ZNF804B: variants seen among roughly 807,000 people sequenced by gnomAD.
The protein encoded by ZNF804B is zinc finger protein 804B.
A neutral mutation model predicts 101.4 loss-of-function variants in ZNF804B; 80 were observed. The ratio of observed to expected loss-of-function variants is 0.79; its 90% CI spans 0.66 to 0.95. The LOEUF (loss-of-function observed/expected upper bound fraction) is 0.95, where lower values mean the gene tolerates loss of function less well. Ranked by LOEUF, ZNF804B falls within the 40% of genes least tolerant of loss-of-function variation. ZNF804B has a pLI of 0.00. For synonymous variants in ZNF804B, 622 were observed against 558.8 expected, an observed-to-expected ratio of 1.11 and a Z score of -1.59; for missense variants, 1,673 against 1,561.9, an observed-to-expected ratio of 1.07 and a Z score of -1.20.
chr7:89,021,310 T>C (rs1288954266), intron 1 of ZNF804B, among the ~76,000 whole-genome samples: 3 of 152,140 alleles, frequency 2.0e-5, no homozygotes, highest in African/African-American at 4.8e-5. Context: ...GGAGGTGAAC[T>C]CACAGGACTA....
At chr7:88,816,332 C>T (rs1583954721) in intron 1 of ZNF804B, among the ~76,000 whole-genome samples, 2 of 152,236 alleles carry the variant, frequency 1.3e-5, no homozygotes, top group South Asian at 2.1e-4. Context: ...GCAGGGACTT[C>T]GTGTCTAAAA....
intron 1 of ZNF804B, among the ~76,000 whole-genome samples, chr7:89,065,756 A>T (rs10236237): frequency 0.36 from 55,026 of 151,764 alleles, 11,057 homozygotes; most frequent in East Asian, 0.54. Flanking sequence ...CTGCATTCCC[A>T]GGGTTGTAAC....
intron 1 of ZNF804B, among the ~76,000 whole-genome samples, chr7:89,093,282 A>G (rs1223670457): frequency 6.6e-6 from 1 of 152,210 alleles, no homozygotes; most frequent in Non-Finnish European, 1.5e-5. Context: ...AGTGCTGTGT[A>G]TACTACCTTG....
At chr7:89,277,855 G>GTATA (rs1790013950) in intron 2 of ZNF804B, among the ~76,000 whole-genome samples, 2 of 151,944 alleles carry the variant, frequency 1.3e-5, no homozygotes, top group African/African-American at 4.8e-5. Context: ...AATCCTTTGG[G>GTATA]TATATACCCA....
intron 1 of ZNF804B, among the ~76,000 whole-genome samples, chr7:88,781,396 A>G (rs1020842079): frequency 6.6e-6 from 1 of 152,126 alleles, no homozygotes; most frequent in African/African-American, 2.4e-5. Flanking sequence ...GTTCTAGAGT[A>G]TCTTCAGCCT....
chr7:88,815,180 A>G (rs7788889), intron 1 of ZNF804B, among the ~76,000 whole-genome samples: 2 of 147,178 alleles, frequency 1.4e-5, no homozygotes, highest in African/African-American at 2.5e-5. Flanking sequence ...ATAATAAAAT[A>G]TATAAAATAT....
intron 1 of ZNF804B, among the ~76,000 whole-genome samples, chr7:89,163,974 G>T (rs767665784): frequency 5.2e-4 from 78 of 149,048 alleles, no homozygotes; most frequent in Non-Finnish European, 9.0e-4. Flanking sequence ...ATATTTTTAC[G>T]CAAGGGAATG....
intron 1 of ZNF804B, among the ~76,000 whole-genome samples, chr7:89,147,627 G>T (rs1449050858): frequency 5.3e-5 from 8 of 151,962 alleles, no homozygotes; most frequent in Non-Finnish European, 1.0e-4. Flanking sequence ...TACAGCAGGA[G>T]GTGAGCCATG....
intron 1 of ZNF804B, among the ~76,000 whole-genome samples, chr7:88,895,057 A>G (rs1792266641): frequency 6.6e-6 from 1 of 152,198 alleles, no homozygotes; most frequent in Non-Finnish European, 1.5e-5. Flanking sequence ...GTATAAAACA[A>G]TCTCACTGAT....
chr7:89,290,092 A>G (rs1363559232), intron 2 of ZNF804B, among the ~76,000 whole-genome samples: 2 of 151,952 alleles, frequency 1.3e-5, no homozygotes, highest in African/African-American at 4.8e-5. Context: ...GGATGATGAC[A>G]TTTCTAGACA....
chr7:89,209,412 T>G (rs1788769401), intron 1 of ZNF804B, among the ~76,000 whole-genome samples: 1 of 152,230 alleles, frequency 6.6e-6, no homozygotes, highest in African/African-American at 2.4e-5. Flanking sequence ...CAAGTCTGGC[T>G]AATGGATAGT....
chr7:89,178,535 A>G (rs9641045), intron 1 of ZNF804B, among the ~76,000 whole-genome samples: 31,206 of 152,042 alleles, frequency 0.21, 3,416 homozygotes, highest in Middle Eastern at 0.39. Context: ...AAACATGCAA[A>G]GTGAAAACTA....
Position 89,334,671 on chromosome 7 carries a change from G to T in ZNF804B, c.1689G>T (p.Lys563Asn), listed in dbSNP as rs201508532. The T allele has an allele frequency of 5.6e-6, 9 of 1,613,686 alleles. No individual in the cohort carries two copies. The African/African-American group carries it at 1.1e-4, about 19-fold the overall frequency. Residue 563 changes from lysine to asparagine, a missense_variant, in exon 4 of 4, where the codon AAG (lysine) becomes AAT (asparagine). By Grantham distance (94) the Lys-to-Asn change is moderately conservative. Coordinates refer to ENST00000333190, the MANE Select transcript of ZNF804B (RefSeq NM_181646.5). ...ACTACAGTGATTCTGAGCCAAATAA[G>T]AGTGAATATACTTTCAGTGCAAATG... ...NLDYSDSEPN[K>N]SEYTFSANDL...
intron 2 of ZNF804B, among the ~76,000 whole-genome samples, chr7:89,318,885 C>T (rs1790770839): frequency 6.6e-6 from 1 of 151,754 alleles, no homozygotes. Flanking sequence ...AGCTGACAGC[C>T]CCGAACAGAG....
At position 89,271,367 on chromosome 7, in the gene ZNF804B, G is replaced by A. The variant is rs993869612; in HGVS notation, c.249+53072G>A. 6.6e-4 allele frequency among the ~76,000 whole-genome samples: 100 copies of A among 152,116 alleles called. 1 individual carries two copies. Among genetic ancestry groups the A allele is most frequent in the African/African-American group, 2.1e-3 (87 of 41,504 alleles). ...TGGTTCTGTTTATATGCTGGATTAC[G>A]TTTATTGATTTGCATATGTTCAACC... On this transcript the variant is annotated intron_variant, in intron 2 of 3. Coordinates refer to ENST00000333190, the MANE Select transcript of ZNF804B (RefSeq NM_181646.5).
rs190409733 is a variant in ZNF804B at position 89,026,177 on chromosome 7, A to G, written c.109-191978A>G. 3.4e-3 allele frequency among the ~76,000 whole-genome samples: 524 copies of G among 152,260 alleles called. 2 individuals carry two copies. The highest frequency in any genetic ancestry group is 0.012 in the African/African-American group (499 of 41,542). On this transcript the variant is annotated intron_variant, in intron 1 of 3. Transcript: ENST00000333190. Reference sequence around the variant, plus strand: ...TGAAATATGTCCTCAGGAAGCTACAATGTTCTAGGCATGAATATAACAAAA... The same window carrying G: ...TGAAATATGTCCTCAGGAAGCTACAGTGTTCTAGGCATGAATATAACAAAA...
chr7:88,917,910 A>G (rs1350219560), intron 1 of ZNF804B, among the ~76,000 whole-genome samples: 1 of 152,188 alleles, frequency 6.6e-6, no homozygotes, highest in Non-Finnish European at 1.5e-5. Context: ...AATGAATAAG[A>G]CAGTTCAAAA....
chr7:89,326,616 T>C (rs1227330645), intron 2 of ZNF804B, among the ~76,000 whole-genome samples: 1 of 152,062 alleles, frequency 6.6e-6, no homozygotes, highest in African/African-American at 2.4e-5. Flanking sequence ...TTTGGCTGTT[T>C]CTCAGTTCAT....
intron 2 of ZNF804B, among the ~76,000 whole-genome samples, chr7:89,245,938 C>G (rs1384093164): frequency 1.3e-5 from 2 of 152,138 alleles, no homozygotes; most frequent in Non-Finnish European, 2.9e-5. Flanking sequence ...TCACTCAAGC[C>G]ATGGAGCTAA....
Sources: gnomAD v4.1 joint callset for allele counts (sites outside exome capture counted in the v4.1 genomes callset) on GRCh38, gnomAD v4.1.1 for gene constraint, MANE v1.5 for transcripts, NCBI Gene and HGNC (gene_info 2026-07-23, HGNC 2026-07-21) for gene names.